Variants in SAMD8 observed in about 807,000 individuals in gnomAD.
The protein encoded by SAMD8 is sphingomyelin synthase-related protein 1.
In SAMD8, 20 loss-of-function variants were observed where a neutral mutation model predicts 42.0. The ratio of observed to expected loss-of-function variants is 0.48; its 90% CI spans 0.34 to 0.69. The LOEUF is 0.69. Ranked by LOEUF, SAMD8 falls within the 30% of genes least tolerant of loss-of-function variation. The pLI is 0.01. For missense variants in SAMD8, 328 were observed against 511.6 expected, an observed-to-expected ratio of 0.64 and a Z score of 3.46; for synonymous variants, 162 against 173.0, an observed-to-expected ratio of 0.94 and a Z score of 0.50.
chr10:75,113,295 CAT>C (rs1170588561), intron 1 of SAMD8, among the ~76,000 whole-genome samples: 1 of 152,142 alleles, frequency 6.6e-6, no homozygotes, highest in Non-Finnish European at 1.5e-5. Flanking sequence ...ACTTTAGCCA[CAT>C]GTCTCATATG....
chr10:75,124,929 A>G (rs766363575), intron 1 of SAMD8, among the ~76,000 whole-genome samples: 5 of 151,416 alleles, frequency 3.3e-5, no homozygotes, highest in Non-Finnish European at 5.9e-5. Context: ...ACAGCCAGCT[A>G]ATTTTTTTGT....
intron 2 of SAMD8, among the ~76,000 whole-genome samples, chr10:75,154,369 C>G (rs1840363326): frequency 6.6e-6 from 1 of 152,102 alleles, no homozygotes; most frequent in Non-Finnish European, 1.5e-5. Flanking sequence ...AAACAGAAGA[C>G]CACTAGGAAG....
chr10:75,107,377 T>C (rs941739732), upstream of SAMD8, among the ~76,000 whole-genome samples: 1 of 151,858 alleles, frequency 6.6e-6, no homozygotes, highest in Non-Finnish European at 1.5e-5. Context: ...AAAAAGTACT[T>C]TGGGGCAGAC....
At chr10:75,118,779 A>G (rs1336591128) in intron 1 of SAMD8, among the ~76,000 whole-genome samples, 1 of 152,252 alleles carries the variant, frequency 6.6e-6, no homozygotes, top group Non-Finnish European at 1.5e-5. Flanking sequence ...CCCAAATACT[A>G]TAAACTACAG....
chr10:75,118,800 CA>C (rs1203235603), intron 1 of SAMD8, among the ~76,000 whole-genome samples: 1 of 152,094 alleles, frequency 6.6e-6, no homozygotes, highest in Non-Finnish European at 1.5e-5. Context: ...AGTTATTAAT[CA>C]CAAAGTTTAG....
intron 1 of SAMD8, among the ~76,000 whole-genome samples, chr10:75,106,061 T>TGGGATAG (rs1347056523): frequency 2.0e-5 from 3 of 152,060 alleles, no homozygotes; most frequent in Non-Finnish European, 4.4e-5. Flanking sequence ...TGCCTACCCT[T>TGGGATAG]GGGATAGGGT....
At chr10:75,132,524 T>G (rs1380748160) in intron 1 of SAMD8, among the ~76,000 whole-genome samples, 1 of 152,204 alleles carries the variant, frequency 6.6e-6, no homozygotes, top group African/African-American at 2.4e-5. Flanking sequence ...ACCAAATTAG[T>G]GACCCTGTGT....
chr10:75,144,036 C>T (rs1230812184), intron 1 of SAMD8, among the ~76,000 whole-genome samples: 6 of 150,168 alleles, frequency 4.0e-5, no homozygotes, highest in African/African-American at 4.9e-5. Flanking sequence ...GGCACGATCT[C>T]GGCTCACTGC....
At chr10:75,143,572 C>G (rs1271490976) in intron 1 of SAMD8, among the ~76,000 whole-genome samples, 2 of 150,546 alleles carry the variant, frequency 1.3e-5, no homozygotes, top group African/African-American at 2.4e-5. Flanking sequence ...TTTTTTCTTT[C>G]AGTACTTTAT....
At chr10:75,099,703 A>G (rs537587164) in exon 1 of SAMD8, 1 of 398,280 alleles carries the variant, frequency 2.5e-6, no homozygotes, top group Non-Finnish European at 4.0e-6. Flanking sequence ...ATAAACCTCC[A>G]TGAAGATGGG....
chr10:75,113,043 G>T (rs1172725295), intron 1 of SAMD8, among the ~76,000 whole-genome samples: 1 of 152,174 alleles, frequency 6.6e-6, no homozygotes, highest in East Asian at 1.9e-4. Context: ...TATTTTGCAG[G>T]TATTGTGTGA....
chr10:75,106,442 C>T (rs933865324), intron 1 of SAMD8, among the ~76,000 whole-genome samples: 37 of 152,186 alleles, frequency 2.4e-4, no homozygotes, highest in Non-Finnish European at 4.4e-5. Context: ...ACTTCCACTA[C>T]TCATCCACCA....
Position 75,179,105 on chromosome 10 carries a change from G to A in SAMD8, c.*2413G>A, listed in dbSNP as rs1387872147. On this transcript the variant is annotated 3_prime_UTR_variant, in exon 6 of 6. Transcript: ENST00000542569. ...GCCTGTAATCGCAGCACTTTGGGAG[G>A]CTAAGGCAGGAGGATCACTTGAGCT... 6.6e-6 allele frequency: 1 copy of A among 152,166 alleles called. No homozygotes were observed. The highest frequency in any genetic ancestry group is 6.6e-5 in the Admixed American group (1 of 15,262). 9.4% of individuals were successfully genotyped at this position (152,166 alleles called of 1,614,324 possible).
chr10:75,171,160 CTTTTTTTTT>C (rs1003923090), intron 4 of SAMD8, among the ~76,000 whole-genome samples: 1,094 of 68,528 alleles, frequency 0.016, 14 homozygotes, highest in African/African-American at 0.061. Flanking sequence ...CTTTCTTTTT[CTTTTTTTTT>C]TTTTTTTTTT....
chr10:75,105,854 G>A lies in SAMD8; in HGVS notation c.-16+6126G>A, dbSNP rs1049170848. 6.5e-6 allele frequency: 10 copies of A among 1,549,278 alleles called. No homozygotes were observed. The African/African-American group carries it at 1.4e-4, about 21-fold the overall frequency. On this transcript the variant is annotated intron_variant, in intron 1 of 3. Coordinates refer to the SAMD8 transcript ENST00000447533. ...GAGCGGCTCACGCCCACCACACAGT[G>A]CACCAGGACCTTGGCTGAGGAAGAC...
chr10:75,175,748 C>G (rs986445468), intron 4 of SAMD8: 23 of 310,252 alleles, frequency 7.4e-5, no homozygotes, highest in Non-Finnish European at 1.1e-4. Flanking sequence ...GGGGTTTCGC[C>G]ATGTTGGCCA....
chr10:75,159,109 A>G (rs1840497368), intron 2 of SAMD8, among the ~76,000 whole-genome samples: 1 of 140,406 alleles, frequency 7.1e-6, no homozygotes. Context: ...CCCAGGCTGG[A>G]GTATAGTGGT....
At chr10:75,168,286 C>T (rs1009320310) in intron 3 of SAMD8, 1 of 262,992 alleles carries the variant, frequency 3.8e-6, no homozygotes, top group Non-Finnish European at 5.9e-6. Flanking sequence ...GTTCCTCAGT[C>T]ATACTGGCCA....
chr10:75,105,916 C>A, intron 1 of SAMD8: 1 of 1,520,734 alleles, frequency 6.6e-7, no homozygotes, highest in Non-Finnish European at 8.9e-7. Flanking sequence ...CACCGGCCCA[C>A]CCACGGGCTG....
Sources: allele counts gnomAD v4.1 joint callset (sites outside exome capture counted in the v4.1 genomes callset), GRCh38; gene constraint gnomAD v4.1.1; transcripts MANE v1.5; gene names NCBI Gene and HGNC (gene_info 2026-07-23, HGNC 2026-07-21).